MC2R: variants seen among roughly 807,000 people sequenced by gnomAD.
The protein encoded by MC2R is adrenocorticotropic hormone receptor.
A neutral mutation model predicts 9.8 loss-of-function variants in MC2R; 9 were observed. That is an observed-to-expected ratio of 0.92 (90% CI 0.55 to 1.60). The LOEUF is 1.60. MC2R is among the 40% of genes most tolerant of loss of function. The pLI, the probability that MC2R is intolerant of heterozygous loss-of-function variation, is 0.00. For missense variants in MC2R, 370 were observed against 389.0 expected (o/e 0.95, Z 0.41); for synonymous variants, 185 against 154.7 (o/e 1.20, Z -1.45).
intron 1 of MC2R, among the ~76,000 whole-genome samples, chr18:13,913,274 C>T (rs1299040535): frequency 6.6e-6 from 1 of 152,208 alleles, no homozygotes; most frequent in Non-Finnish European, 1.5e-5. Flanking sequence ...ATCTCCCGTC[C>T]TCTGAGCTTC....
At chr18:13,901,638 T>C (rs950075662) in intron 1 of MC2R, among the ~76,000 whole-genome samples, 4 of 151,936 alleles carry the variant, frequency 2.6e-5, no homozygotes, top group African/African-American at 7.2e-5. Flanking sequence ...CTAGAAGAAA[T>C]TGACAAATTC....
intron 1 of MC2R, among the ~76,000 whole-genome samples, chr18:13,886,667 T>A (rs2045278124): frequency 6.6e-6 from 1 of 152,132 alleles, no homozygotes. Context: ...GTTTCAAAGG[T>A]GGAGCTCCTG....
chr18:13,888,024 G>A (rs1399907081), intron 1 of MC2R, among the ~76,000 whole-genome samples: 2 of 152,096 alleles, frequency 1.3e-5, no homozygotes, highest in African/African-American at 4.8e-5. Flanking sequence ...ACTCTGCTGG[G>A]ACAGATACTC....
chr18:13,896,272 G>A (rs1018075412), intron 1 of MC2R, among the ~76,000 whole-genome samples: 5 of 152,172 alleles, frequency 3.3e-5, no homozygotes, highest in Non-Finnish European at 7.3e-5. Flanking sequence ...AATCAAAAAA[G>A]TAGCACAGGG....
intron 1 of MC2R, among the ~76,000 whole-genome samples, chr18:13,897,645 G>A (rs953911788): frequency 1.3e-5 from 2 of 152,076 alleles, no homozygotes; most frequent in Admixed American, 6.6e-5. Context: ...AGAAGGAAGA[G>A]TAGGGAGGAC....
At chr18:13,914,614 A>G (rs1041195592) in intron 1 of MC2R, among the ~76,000 whole-genome samples, 2 of 152,028 alleles carry the variant, frequency 1.3e-5, no homozygotes, top group African/African-American at 2.4e-5. Context: ...GCATGTATGT[A>G]TGTATGTTTA....
chr18:13,890,262 C>T (rs1259619570), intron 1 of MC2R, among the ~76,000 whole-genome samples: 3 of 152,100 alleles, frequency 2.0e-5, no homozygotes, highest in Admixed American at 6.5e-5. Context: ...TCCTGGGGCC[C>T]ATGGGCTGTG....
chr18:13,895,686 G>A (rs1035026575), intron 1 of MC2R, among the ~76,000 whole-genome samples: 5 of 152,214 alleles, frequency 3.3e-5, no homozygotes, highest in Non-Finnish European at 5.9e-5. Context: ...TCCAGGAAGG[G>A]TGGGGAGGTG....
Position 13,883,726 on chromosome 18 carries a change from T to G in MC2R, c.*899A>C, listed in dbSNP as rs1178108431. ...GGGGCTCTTTTCTTGTACTTCTACA[T>G]TGTAACACACATAGTTTGGTTACAG... On this transcript the variant is annotated 3_prime_UTR_variant, in exon 2 of 2. Coordinates refer to ENST00000327606, the MANE Select transcript of MC2R (RefSeq NM_000529.2). 1.0e-5 allele frequency: 1 copy of G among 98,284 alleles called. No individual in the cohort carries two copies. Among genetic ancestry groups the G allele is most frequent in the Non-Finnish European group, 1.9e-5 (1 of 52,100 alleles). 6.1% of individuals were successfully genotyped at this position (98,284 alleles called of 1,614,324 possible). A position where few individuals can be genotyped will look rare whatever the true frequency, so the allele number is the denominator to read the frequency against.
intron 1 of MC2R, among the ~76,000 whole-genome samples, chr18:13,894,448 C>T (rs779895896): frequency 6.6e-5 from 10 of 152,090 alleles, no homozygotes; most frequent in East Asian, 1.9e-4. Context: ...GTTGTCTTCA[C>T]GTACATGTAA....
At chr18:13,903,640 G>A (rs2045393553) in intron 1 of MC2R, among the ~76,000 whole-genome samples, 1 of 152,122 alleles carries the variant, frequency 6.6e-6, no homozygotes, top group Non-Finnish European at 1.5e-5. Context: ...TGAACTCATG[G>A]GCATAGAGAG....
chr18:13,900,883 T>C (rs2045375551), intron 1 of MC2R, among the ~76,000 whole-genome samples: 1 of 152,124 alleles, frequency 6.6e-6, no homozygotes, highest in Admixed American at 6.5e-5. Flanking sequence ...TAACCTGCAG[T>C]ATATACCAAA....
intron 1 of MC2R, among the ~76,000 whole-genome samples, chr18:13,897,371 C>T (rs1352415217): frequency 2.0e-5 from 3 of 152,240 alleles, no homozygotes; most frequent in East Asian, 1.9e-4. Flanking sequence ...CTTGAGTTCC[C>T]GCAAACCTTG....
intron 1 of MC2R, among the ~76,000 whole-genome samples, chr18:13,899,293 C>A (rs1190082486): frequency 1.3e-5 from 2 of 151,654 alleles, no homozygotes; most frequent in Non-Finnish European, 2.9e-5. Context: ...ATGAATACAG[C>A]CTATTTGAAA....
In MC2R at chr18:13,883,897, A is replaced by T. The variant is rs1471428004; in HGVS notation, c.*728T>A. 1.3e-5 allele frequency: 2 copies of T among 153,546 alleles called. No homozygotes were observed. The highest frequency in any genetic ancestry group is 6.4e-5 in the Admixed American group (1 of 15,578). The allele number at this position is 153,546 out of a possible 1,614,324, so 9.5% of individuals were successfully genotyped here. A position where few individuals can be genotyped will look rare whatever the true frequency, so the allele number is the denominator to read the frequency against. The stretch of plus-strand genomic sequence containing the variant: ...AGGAAAGGGTTTTAAGGCCAGTGGG[A>T]TACTGAGTGAGCAAAGAAGACTAAC... On this transcript the variant is annotated 3_prime_UTR_variant, in exon 2 of 2. Coordinates refer to ENST00000327606, the MANE Select transcript of MC2R (RefSeq NM_000529.2).
chr18:13,882,673 T>C lies in MC2R; in HGVS notation c.*1952A>G, dbSNP rs1416687606. The stretch of plus-strand genomic sequence containing the variant: ...CAGGTTAAGTGGCATTGCTTACCTC[T>C]GTGGTATCACAGAGCATTGCAGCAT... On this transcript the variant is annotated 3_prime_UTR_variant, in exon 2 of 2. Transcript: ENST00000327606. 2 of 152,234 alleles carry C rather than the reference T, an allele frequency of 1.3e-5. No homozygotes were observed. The highest frequency in any genetic ancestry group is 2.9e-5 in the Non-Finnish European group (2 of 68,052). 9.4% of individuals were successfully genotyped at this position (152,234 alleles called of 1,614,324 possible). A position where few individuals can be genotyped will look rare whatever the true frequency, so the allele number is the denominator to read the frequency against.
chr18:13,891,964 C>G (rs1314822139), intron 1 of MC2R, among the ~76,000 whole-genome samples: 2 of 152,098 alleles, frequency 1.3e-5, no homozygotes, highest in Non-Finnish European at 2.9e-5. Flanking sequence ...TAAAGATGAT[C>G]TAATAAAGAA....
At chr18:13,895,277 C>T (rs2045339723) in intron 1 of MC2R, among the ~76,000 whole-genome samples, 2 of 152,144 alleles carry the variant, frequency 1.3e-5, no homozygotes, top group South Asian at 4.1e-4. Flanking sequence ...GTGGATAATA[C>T]TTGAGTTAAA....
chr18:13,890,361 C>T (rs2045308717), intron 1 of MC2R, among the ~76,000 whole-genome samples: 1 of 152,196 alleles, frequency 6.6e-6, no homozygotes, highest in Non-Finnish European at 1.5e-5. Context: ...TCGGATTGCT[C>T]TTCTGGAGAA....
Sources: allele counts gnomAD v4.1 joint callset (sites outside exome capture counted in the v4.1 genomes callset), GRCh38; gene constraint gnomAD v4.1.1; transcripts MANE v1.5; gene names NCBI Gene and HGNC (gene_info 2026-07-23, HGNC 2026-07-21).